The following LYPLAL1 variants were observed in gnomAD, a reference collection of about 807,000 sequenced individuals.
LYPLAL1 encodes lysophospholipase-like protein 1.
A neutral mutation model predicts 19.7 loss-of-function variants in LYPLAL1; 23 were observed. The observed-to-expected ratio is 1.17, with a 90% confidence interval of 0.84 to 1.65. The LOEUF (loss-of-function observed/expected upper bound fraction) is 1.65. Among genes scored for constraint, LYPLAL1 ranks in the 40% most tolerant of loss-of-function variants. The pLI is 0.00. For missense variants in LYPLAL1, 355 were observed against 279.4 expected (o/e 1.27, Z -1.93); for synonymous variants, 119 against 96.3 (o/e 1.24, Z -1.38).
chr1:219,354,432 G>C, the LYPLAL1 span, among the ~76,000 whole-genome samples: 1 of 152,164 alleles, frequency 6.6e-6, no homozygotes, highest in Non-Finnish European at 1.5e-5. Context: ...CTGACCTCAA[G>C]TAATCTGCCT....
the LYPLAL1 span, among the ~76,000 whole-genome samples, chr1:219,383,640 C>T: frequency 6.6e-6 from 1 of 152,124 alleles, no homozygotes; most frequent in East Asian, 1.9e-4. Flanking sequence ...GAAACAAATA[C>T]AAGAACCCAT....
downstream of LYPLAL1, among the ~76,000 whole-genome samples, chr1:219,215,185 C>T (rs925472045): frequency 1.2e-4 from 18 of 151,994 alleles, no homozygotes; most frequent in East Asian, 1.9e-4. Flanking sequence ...GCTTTTGTGT[C>T]GATGAAGTCT....
chr1:219,187,847 A>G (rs1016566737), intron 2 of LYPLAL1, among the ~76,000 whole-genome samples: 6 of 151,724 alleles, frequency 4.0e-5, no homozygotes, highest in African/African-American at 1.5e-4. Flanking sequence ...CTAGTAAGGA[A>G]CCCTACTAAA....
At chr1:219,181,084 A>G (rs1656236627) in intron 2 of LYPLAL1, among the ~76,000 whole-genome samples, 1 of 152,192 alleles carries the variant, frequency 6.6e-6, no homozygotes, top group Non-Finnish European at 1.5e-5. Flanking sequence ...GAAATACGTA[A>G]GATTGATTTT....
chr1:219,242,639 G>A, the LYPLAL1 span, among the ~76,000 whole-genome samples: 2 of 151,920 alleles, frequency 1.3e-5, no homozygotes, highest in Admixed American at 6.6e-5. Flanking sequence ...TTGGGAGTAT[G>A]TAGTAGCCAC....
the LYPLAL1 span, among the ~76,000 whole-genome samples, chr1:219,296,227 T>G: frequency 6.6e-6 from 1 of 152,160 alleles, no homozygotes; most frequent in Admixed American, 6.5e-5. Context: ...AAACAGTTAT[T>G]TCTAGATCCA....
the LYPLAL1 span, among the ~76,000 whole-genome samples, chr1:219,251,389 T>C: frequency 6.6e-6 from 1 of 152,176 alleles, no homozygotes; most frequent in African/African-American, 2.4e-5. Context: ...TAGGTTGTCT[T>C]CTAGGGTTTT....
At chr1:219,339,314 A>G in the LYPLAL1 span, among the ~76,000 whole-genome samples, 1 of 152,054 alleles carries the variant, frequency 6.6e-6, no homozygotes, top group Non-Finnish European at 1.5e-5. Flanking sequence ...CTGAGCCTCA[A>G]GTACTTCAAG....
the LYPLAL1 span, among the ~76,000 whole-genome samples, chr1:219,244,102 A>C: frequency 6.6e-6 from 1 of 152,140 alleles, no homozygotes; most frequent in Non-Finnish European, 1.5e-5. Flanking sequence ...TATCGATTTG[A>C]GCCTTTTAAA....
the LYPLAL1 span, among the ~76,000 whole-genome samples, chr1:219,370,520 G>A: frequency 1.3e-5 from 2 of 152,220 alleles, no homozygotes; most frequent in Non-Finnish European, 2.9e-5. Flanking sequence ...GAAGACTGTG[G>A]GCTCACAGAT....
the LYPLAL1 span, among the ~76,000 whole-genome samples, chr1:219,242,778 A>G: frequency 2.0e-5 from 3 of 151,838 alleles, no homozygotes; most frequent in African/African-American, 7.3e-5. Context: ...AAAATCTCAG[A>G]TGATATTTAT....
chr1:219,182,102 G>A (rs1372836037), intron 2 of LYPLAL1, among the ~76,000 whole-genome samples: 2 of 152,142 alleles, frequency 1.3e-5, no homozygotes, highest in African/African-American at 2.4e-5. Context: ...ATAAGGGGTT[G>A]CAATTACTTG....
At chr1:219,306,345 G>C in the LYPLAL1 span, among the ~76,000 whole-genome samples, 1 of 152,154 alleles carries the variant, frequency 6.6e-6, no homozygotes, top group African/African-American at 2.4e-5. Context: ...GGGAGCCCAG[G>C]TATTTGGTTT....
At chr1:219,260,683 C>T in the LYPLAL1 span, among the ~76,000 whole-genome samples, 1 of 149,262 alleles carries the variant, frequency 6.7e-6, no homozygotes, top group South Asian at 2.1e-4. Context: ...GTGGCATACA[C>T]ACATATATAC....
the LYPLAL1 span, among the ~76,000 whole-genome samples, chr1:219,337,079 C>G: frequency 1.2e-4 from 19 of 152,062 alleles, no homozygotes; most frequent in East Asian, 3.7e-3. Flanking sequence ...CTGCTTTTAT[C>G]TTCTCATTGT....
At chr1:219,202,166 C>T (rs550786723) in intron 3 of LYPLAL1, among the ~76,000 whole-genome samples, 1 of 152,304 alleles carries the variant, frequency 6.6e-6, no homozygotes, top group African/African-American at 2.4e-5. Context: ...TCTCCTTATT[C>T]TCTGTGTCTT....
At chr1:219,207,748 A>T (rs1280775595) in intron 3 of LYPLAL1, among the ~76,000 whole-genome samples, 1 of 152,026 alleles carries the variant, frequency 6.6e-6, no homozygotes, top group Non-Finnish European at 1.5e-5. Flanking sequence ...CAGTATGTAG[A>T]ATGTCTGATT....
At chr1:219,187,735 A>C (rs1656840218) in intron 2 of LYPLAL1, among the ~76,000 whole-genome samples, 1 of 151,784 alleles carries the variant, frequency 6.6e-6, no homozygotes, top group African/African-American at 2.4e-5. Flanking sequence ...TAGGCATAGT[A>C]AACCATGAAT....
the LYPLAL1 span, among the ~76,000 whole-genome samples, chr1:219,348,376 A>G: frequency 6.6e-6 from 1 of 152,168 alleles, no homozygotes; most frequent in Non-Finnish European, 1.5e-5. Flanking sequence ...GTTGGGGTCA[A>G]TTCGTGTGGG....
Sources: allele counts gnomAD v4.1 joint callset (sites outside exome capture counted in the v4.1 genomes callset), GRCh38; gene constraint gnomAD v4.1.1; transcripts MANE v1.5; gene names NCBI Gene and HGNC (gene_info 2026-07-23, HGNC 2026-07-21).